Variants in BBS9 observed in about 807,000 individuals in gnomAD.
The protein encoded by BBS9 is Bardet-Biedl syndrome 9, also known as protein PTHB1.
In BBS9, 89 loss-of-function variants were observed where a neutral mutation model predicts 117.7. The ratio of observed to expected loss-of-function variants is 0.76; its 90% confidence interval spans 0.64 to 0.90. BBS9 has a LOEUF of 0.90. Ranked by LOEUF, BBS9 falls within the 40% of genes least tolerant of loss-of-function variation. The probability of loss-of-function intolerance (pLI) is 0.00; values close to 1 mark genes in which losing one functional copy is unlikely to be tolerated. For missense variants in BBS9, 982 were observed against 1,042.2 expected (o/e 0.94, Z 0.80); for synonymous variants, 379 against 370.9 (o/e 1.02, Z -0.25).
intron 9 of BBS9, among the ~76,000 whole-genome samples, chr7:33,301,602 A>G (rs1228848598): frequency 6.6e-6 from 1 of 152,044 alleles, no homozygotes; most frequent in Admixed American, 6.6e-5. Flanking sequence ...CAGGATCTCC[A>G]TTTCTTTTTT....
At chr7:33,276,040 A>C (rs1229895286) in intron 9 of BBS9, among the ~76,000 whole-genome samples, 2 of 152,198 alleles carry the variant, frequency 1.3e-5, no homozygotes, top group Admixed American at 1.3e-4. Flanking sequence ...AAATATTGCC[A>C]TTAGTATTTT....
At chr7:33,486,845 A>G (rs985054482) in intron 19 of BBS9, among the ~76,000 whole-genome samples, 1 of 152,132 alleles carries the variant, frequency 6.6e-6, no homozygotes, top group Non-Finnish European at 1.5e-5. Flanking sequence ...TTTTTTTCTA[A>G]TTCTCTACAG....
intron 9 of BBS9, among the ~76,000 whole-genome samples, chr7:33,294,564 G>A (rs1022590975): frequency 2.0e-5 from 3 of 152,162 alleles, no homozygotes; most frequent in Non-Finnish European, 4.4e-5. Flanking sequence ...TGGTAATGTA[G>A]TGACCCTTTT....
chr7:33,146,353 G>A lies in BBS9; in HGVS notation c.101G>A (p.Gly34Glu), dbSNP rs1792340509. 3.1e-6 allele frequency: 5 copies of A among 1,613,120 alleles called. No individual in the cohort carries two copies. In the Admixed American group the frequency reaches 5.0e-5, roughly 16 times the overall value. The change falls in exon 2 of 23, where the codon GGA (glycine) becomes GAA (glutamate). Residue 34 changes from glycine to glutamate, a missense_variant. Gly to Glu is a moderately conservative substitution (Grantham distance 98). Coordinates refer to ENST00000242067, the MANE Select transcript of BBS9 (RefSeq NM_198428.3). ...CLCLANVDNS[G>E]NGQDKIIVGS... ...TGTCTGGCTAATGTTGACAATAGTG[G>A]AAATGGACAAGGTAAGCAACTTACA...
intron 5 of BBS9, among the ~76,000 whole-genome samples, chr7:33,189,883 TAAAA>T (rs372582478): frequency 7.9e-6 from 1 of 127,158 alleles, no homozygotes; most frequent in Admixed American, 8.2e-5. Context: ...GACTCTGTCT[TAAAA>T]AAAAAAAAAA....
intron 9 of BBS9, among the ~76,000 whole-genome samples, chr7:33,305,350 C>T (rs1195206809): frequency 6.6e-6 from 1 of 152,020 alleles, no homozygotes; most frequent in Non-Finnish European, 1.5e-5. Context: ...ATCAGGGATA[C>T]TAGCCTTTAG....
chr7:33,435,934 C>A (rs1835243723), intron 19 of BBS9, among the ~76,000 whole-genome samples: 1 of 152,154 alleles, frequency 6.6e-6, no homozygotes, highest in Non-Finnish European at 1.5e-5. Flanking sequence ...CCAGTGGATT[C>A]CTTGGGCTAG....
intron 1 of BBS9, among the ~76,000 whole-genome samples, chr7:33,138,991 G>A (rs1172467346): frequency 1.3e-5 from 2 of 151,314 alleles, no homozygotes; most frequent in Non-Finnish European, 2.9e-5. Context: ...GGTGGCTCAT[G>A]CCTGTAATCC....
At chr7:33,581,095 TGAGA>T (rs10609889) in intron 21 of BBS9, among the ~76,000 whole-genome samples, 77 of 149,076 alleles carry the variant, frequency 5.2e-4, no homozygotes, top group South Asian at 3.4e-3. Flanking sequence ...TGTGTGTGTG[TGAGA>T]GAGAGAGAGA....
chr7:33,588,528 A>G (rs1323927712), intron 21 of BBS9, among the ~76,000 whole-genome samples: 2 of 152,166 alleles, frequency 1.3e-5, no homozygotes, highest in Non-Finnish European at 2.9e-5. Flanking sequence ...ACCAAATTAG[A>G]TAGAGATCCC....
chr7:33,618,609 C>A (rs908492783), intron 21 of BBS9, among the ~76,000 whole-genome samples: 1 of 152,074 alleles, frequency 6.6e-6, no homozygotes, highest in Non-Finnish European at 1.5e-5. Flanking sequence ...AATCCCAACA[C>A]TTTGGAAGCC....
chr7:33,505,247 T>G (rs768449378), intron 19 of BBS9, among the ~76,000 whole-genome samples: 1 of 147,134 alleles, frequency 6.8e-6, no homozygotes, highest in Non-Finnish European at 1.5e-5. Context: ...TTTCCACTTC[T>G]GGCCATATGG....
At chr7:33,203,280 A>C (rs1274483185) in intron 5 of BBS9, among the ~76,000 whole-genome samples, 5 of 152,182 alleles carry the variant, frequency 3.3e-5, no homozygotes, top group Non-Finnish European at 5.9e-5. Flanking sequence ...TGTCTACCAG[A>C]ATCACCTGGG....
intron 16 of BBS9, among the ~76,000 whole-genome samples, chr7:33,367,476 A>T (rs1310597542): frequency 6.6e-6 from 1 of 152,156 alleles, no homozygotes; most frequent in Non-Finnish European, 1.5e-5. Context: ...CTTCCTTGCT[A>T]TCTGGCATGA....
intron 17 of BBS9, among the ~76,000 whole-genome samples, chr7:33,376,846 T>C (rs572646688): frequency 2.0e-5 from 3 of 152,318 alleles, no homozygotes; most frequent in Admixed American, 1.3e-4. Context: ...GTATGTCTTC[T>C]TTTGAAAAGT....
chr7:33,607,225 A>G (rs1864625781), downstream of BBS9, among the ~76,000 whole-genome samples: 1 of 152,134 alleles, frequency 6.6e-6, no homozygotes, highest in Non-Finnish European at 1.5e-5. Context: ...CAAGTCATAG[A>G]GAAATGGAGA....
chr7:33,388,271 C>T, intron 19 of BBS9, 127 bp downstream of exon 19: 1 of 1,174,484 alleles, frequency 8.5e-7, no homozygotes, highest in Non-Finnish European at 1.2e-6. Context: ...GTGAACAGTG[C>T]ACAAGCTTTA....
chr7:33,200,582 T>G (rs1217774096), intron 5 of BBS9, among the ~76,000 whole-genome samples: 1 of 152,160 alleles, frequency 6.6e-6, no homozygotes, highest in African/African-American at 2.4e-5. Context: ...ACACACATAT[T>G]TATTTATATT....
intron 1 of BBS9, among the ~76,000 whole-genome samples, chr7:33,135,646 TG>T (rs1351542292): frequency 6.6e-6 from 1 of 152,208 alleles, no homozygotes; most frequent in Admixed American, 6.5e-5. Context: ...ATTTTGAGAT[TG>T]TTTTTGCTAT....
Sources: allele counts gnomAD v4.1 joint callset (sites outside exome capture counted in the v4.1 genomes callset), GRCh38; gene constraint gnomAD v4.1.1; transcripts MANE v1.5; gene names NCBI Gene and HGNC (gene_info 2026-07-23, HGNC 2026-07-21).